The following GGNBP2 variants were observed in gnomAD, a reference collection of about 807,000 sequenced individuals.
The protein encoded by GGNBP2 is gametogenetin binding protein 2, also known as gametogenetin-binding protein 2.
GGNBP2 carries 10 observed loss-of-function variants against 85.9 expected under a neutral mutation model. That is an observed-to-expected ratio of 0.12 (90% confidence interval 0.07 to 0.20). GGNBP2 has a LOEUF of 0.20. Among genes scored for constraint, GGNBP2 ranks in the 10% least tolerant of loss-of-function variants. The probability of loss-of-function intolerance (pLI) is 1.00; values close to 1 mark genes in which losing one functional copy is unlikely to be tolerated. For missense variants in GGNBP2, 595 were observed against 857.8 expected (o/e 0.69, Z 3.83); for synonymous variants, 287 against 285.7 (o/e 1.00, Z -0.05).
In GGNBP2 at chr17:36,586,034, T is replaced by C; in HGVS notation, c.1493-16T>C. The C allele has an allele frequency of 6.2e-7, 1 of 1,613,646 alleles. No homozygotes were observed. The highest frequency in any genetic ancestry group is 8.5e-7 in the Non-Finnish European group (1 of 1,179,634). On this transcript the variant is annotated splice_polypyrimidine_tract_variant and intron_variant, in intron 11 of 13. Coordinates refer to ENST00000613102, the MANE Select transcript of GGNBP2 (RefSeq NM_024835.5). ...GACTTAAGAACATAAATAAGAAGGA[T>C]TATTGATTTCTGCAGGTGATGACTC...
rs529315348 is a variant in GGNBP2, at chr17:36,588,877, T to TA, written c.1891-330dup. Among the ~76,000 whole-genome samples the TA allele has an allele frequency of 2.6e-3, 391 of 152,370 alleles. 2 individuals carry two copies. The highest frequency in any genetic ancestry group is 7.8e-3 in the African/African-American group (324 of 41,588). On this transcript the variant is annotated intron_variant, in intron 13 of 13. Coordinates refer to ENST00000613102, the MANE Select transcript of GGNBP2 (RefSeq NM_024835.5). The stretch of plus-strand genomic sequence containing the variant: ...GTTTCAAGATAGGACTAACTGGAGA[T>TA]ACGTCTGGCTACTTAAAATATGGTA...
At position 36,571,513 on chromosome 17, in the gene GGNBP2, G is replaced by C. The variant is rs546466960; in HGVS notation, c.641+3737G>C. Reference sequence around the variant, plus strand: ...GCGGTGAGCCAAGATTACGCCATTTGCTCTCCAGCCTCGGCAACAGCAAGA... The same window carrying C: ...GCGGTGAGCCAAGATTACGCCATTTCCTCTCCAGCCTCGGCAACAGCAAGA... On this transcript the variant is annotated intron_variant, in intron 6 of 13. Coordinates refer to ENST00000613102, the MANE Select transcript of GGNBP2 (RefSeq NM_024835.5). Among the ~76,000 whole-genome samples the C allele has an allele frequency of 1.7e-4, 26 of 152,052 alleles. No homozygotes were observed. The East Asian group carries it at 4.7e-3, about 27-fold the overall frequency.
intron 3 of GGNBP2, 57 bp from the exon 4 acceptor site, chr17:36,557,026 A>C: frequency 6.2e-7 from 1 of 1,601,460 alleles, no homozygotes; most frequent in Non-Finnish European, 8.5e-7. Flanking sequence ...GTAGTAGTGA[A>C]AGTGTAATTT....
chr17:36,567,729 C>T lies in GGNBP2; in HGVS notation c.594C>T (p.Asp198=). The T allele has an allele frequency of 6.2e-7, 1 of 1,608,984 alleles. No individual in the cohort carries two copies. The highest frequency in any genetic ancestry group is 8.5e-7 in the Non-Finnish European group (1 of 1,175,538). The part of the protein sequence containing the change: ...QECRDEVVLI[D]SSCLLETLET... The stretch of plus-strand genomic sequence containing the variant: ...GCAGGGATGAAGTAGTTTTAATTGA[C>T]TCGAGTTGTCTTTTAGAAACACTAG... The change falls in exon 6 of 14, where the codon GAC becomes GAT. Residue 198 remains aspartate (D), a synonymous_variant. Transcript: ENST00000613102.
intron 5 of GGNBP2, among the ~76,000 whole-genome samples, chr17:36,565,088 A>C (rs2074455250): frequency 6.6e-6 from 1 of 152,224 alleles, no homozygotes; most frequent in South Asian, 2.1e-4. Context: ...GTAGCCAGAT[A>C]GGTAGAAGGA....
chr17:36,549,603 TC>T (rs1438163034), intron 2 of GGNBP2, among the ~76,000 whole-genome samples: 3 of 130,104 alleles, frequency 2.3e-5, no homozygotes, highest in Non-Finnish European at 3.6e-5. Context: ...GTAATTTCAG[TC>T]CTAGACACAC....
chr17:36,546,442 CT>C (rs991344508), intron 2 of GGNBP2: 397 of 144,858 alleles, frequency 2.7e-3, no homozygotes, highest in Middle Eastern at 3.5e-3. Context: ...TACAGGTGGA[CT>C]TTTTTTTTTT....
rs750746839 is a variant in GGNBP2 at position 36,581,514 on chromosome 17, T to C, written c.1191T>C (p.Asp397=). 6.2e-7 allele frequency: 1 copy of C among 1,608,916 alleles called. No homozygotes were observed. The highest frequency in any genetic ancestry group is 1.7e-5 in the Admixed American group (1 of 58,632). ...TTCCTACTCCCTTACAAACAGCAGA[T>C]GAAAAGGAAGTAAGCCAAGAGAAGG... ...CDIPTPLQTA[D]EKEVSQEKET... Residue 397 remains aspartate (D), a synonymous_variant, in exon 9 of 14, where the codon GAT becomes GAC. Coordinates refer to ENST00000613102, the MANE Select transcript of GGNBP2 (RefSeq NM_024835.5).
chr17:36,550,322 GT>G (rs369077664), intron 2 of GGNBP2, among the ~76,000 whole-genome samples: 4 of 147,708 alleles, frequency 2.7e-5, no homozygotes, highest in East Asian at 3.9e-4. Context: ...TTGGGGTTTT[GT>G]TTTTTTTTTC....
intron 2 of GGNBP2, among the ~76,000 whole-genome samples, chr17:36,551,163 A>G (rs1299763995): frequency 6.6e-6 from 1 of 151,984 alleles, no homozygotes; most frequent in Non-Finnish European, 1.5e-5. Context: ...AAATGAAATG[A>G]TTGGAAACAA....
chr17:36,576,591 A>ATGTGTGTGTGTGTG (rs1247489604), intron 6 of GGNBP2: 1 of 49,186 alleles, frequency 2.0e-5, no homozygotes, highest in African/African-American at 8.8e-5. Context: ...AAAAATATAT[A>ATGTGTGTGTGTGTG]TATATGTGTG....
intron 2 of GGNBP2, among the ~76,000 whole-genome samples, chr17:36,553,208 G>A (rs2074327929): frequency 6.6e-6 from 1 of 152,104 alleles, no homozygotes; most frequent in Admixed American, 6.6e-5. Flanking sequence ...CCTAGAGATA[G>A]CCACATCTAA....
intron 6 of GGNBP2, among the ~76,000 whole-genome samples, chr17:36,569,343 T>C (rs577383823): frequency 1.3e-5 from 2 of 152,114 alleles, no homozygotes; most frequent in African/African-American, 4.8e-5. Context: ...AACCAGGAGG[T>C]AGAGGTTGCA....
chr17:36,589,243 T>G lies in GGNBP2; in HGVS notation c.1926T>G (p.Phe642Leu). The part of the protein sequence containing the change: ...ESECTSDEEI[F>L]ISQDEIQSFM... Reference sequence around the variant, plus strand: ...AATGTACTTCAGATGAGGAAATCTTTATCTCACAAGATGAAATACAGTCAT... The same window carrying G: ...AATGTACTTCAGATGAGGAAATCTTGATCTCACAAGATGAAATACAGTCAT... The change falls in exon 14 of 14, where the codon TTT (phenylalanine) becomes TTG (leucine). Residue 642 changes from phenylalanine to leucine, a missense_variant. Around this residue, in one of 9 missense-constraint regions of GGNBP2, gnomAD observed 120 missense variants for 126.3 expected, o/e 0.95. Coordinates refer to ENST00000613102, the MANE Select transcript of GGNBP2 (RefSeq NM_024835.5). 6.2e-7 allele frequency: 1 copy of G among 1,613,308 alleles called. No homozygotes were observed. Among genetic ancestry groups the G allele is most frequent in the Non-Finnish European group, 8.5e-7 (1 of 1,179,380 alleles).
At chr17:36,568,171 A>G (rs1378517524) in intron 6 of GGNBP2, among the ~76,000 whole-genome samples, 3 of 151,986 alleles carry the variant, frequency 2.0e-5, no homozygotes, top group Admixed American at 2.0e-4. Flanking sequence ...TGATCCACCA[A>G]CCTCGGCCTC....
At chr17:36,569,366 C>A (rs576118599) in intron 6 of GGNBP2, among the ~76,000 whole-genome samples, 1 of 152,128 alleles carries the variant, frequency 6.6e-6, no homozygotes, top group Non-Finnish European at 1.5e-5. Flanking sequence ...GAGCCAGGAT[C>A]GTGCCACTGC....
chr17:36,566,242 A>G (rs770243439), intron 5 of GGNBP2, among the ~76,000 whole-genome samples: 12 of 152,376 alleles, frequency 7.9e-5, no homozygotes, highest in South Asian at 2.1e-4. Context: ...GTAAACCCAC[A>G]TTTCCCTTGG....
Position 36,563,724 on chromosome 17 carries a change from CT to C in GGNBP2, c.527+2863del, listed in dbSNP as rs200917162. 1.1e-3 allele frequency among the ~76,000 whole-genome samples: 163 copies of C among 144,086 alleles called. 2 individuals carry two copies. In the East Asian group the frequency reaches 0.028, roughly 25 times the overall value. 94.5% of individuals were successfully genotyped at this position (144,086 alleles called of 152,430 possible). ...ATTTTGCTGCTTGATTTGTCAGTAT[CT>C]TTTTTTTTTCTTTCTTTCAAATTCT... On this transcript the variant is annotated intron_variant, in intron 5 of 13. Coordinates refer to ENST00000613102, the MANE Select transcript of GGNBP2 (RefSeq NM_024835.5).
chr17:36,589,159 A>T (rs781006509), intron 13 of GGNBP2, 49 bp from the exon 14 acceptor site: 27 of 1,353,226 alleles, frequency 2.0e-5, no homozygotes, highest in Non-Finnish European at 2.7e-5. Context: ...CCATTACATA[A>T]CATTTTGCAT....
Sources: allele counts gnomAD v4.1 joint callset (sites outside exome capture counted in the v4.1 genomes callset), GRCh38; gene constraint gnomAD v4.1.1; regional missense constraint gnomAD v4.1.1; transcripts MANE v1.5; gene names NCBI Gene and HGNC (gene_info 2026-07-23, HGNC 2026-07-21).